Variants in DAB1 observed in about 807,000 individuals in gnomAD.
DAB1 encodes DAB adaptor protein 1, also known as disabled homolog 1.
In DAB1, 15 loss-of-function variants were observed where a neutral mutation model predicts 64.6. The observed-to-expected ratio is 0.23, with a 90% confidence interval of 0.16 to 0.36. The LOEUF (loss-of-function observed/expected upper bound fraction) is 0.36. Ranked by LOEUF, DAB1 falls within the 10% of genes least tolerant of loss-of-function variation. The probability of loss-of-function intolerance (pLI) is 1.00; values close to 1 mark genes in which losing one functional copy is unlikely to be tolerated. For synonymous variants in DAB1, 235 were observed against 251.9 expected (o/e 0.93, Z 0.64); for missense variants, 596 against 706.7 (o/e 0.84, Z 1.78).
At chr1:57,176,970 T>TACAAAAAAAAAAAAAAAAA (rs146465598) in intron 2 of DAB1, among the ~76,000 whole-genome samples, 1 of 61,038 alleles carries the variant, frequency 1.6e-5, no homozygotes, top group African/African-American at 3.9e-5. Context: ...CAGCAGCAGA[T>TACAAAAAAAAAAAAAAAAA]ATAAAAAAAA....
chr1:58,236,304 G>T (rs574956175), intron 4 of DAB1, among the ~76,000 whole-genome samples: 1 of 152,118 alleles, frequency 6.6e-6, no homozygotes, highest in East Asian at 1.9e-4. Context: ...GGACAGAGGC[G>T]CACAGTAACA....
intron 1 of DAB1, among the ~76,000 whole-genome samples, chr1:57,837,591 C>CAT (rs1309645963): frequency 6.6e-6 from 1 of 152,140 alleles, no homozygotes; most frequent in Non-Finnish European, 1.5e-5. Flanking sequence ...CCTCCCCTCC[C>CAT]ATAGCCTCTA....
intron 4 of DAB1, among the ~76,000 whole-genome samples, chr1:57,077,110 G>A (rs486706): frequency 0.93 from 142,192 of 152,240 alleles, 66,526 homozygotes; most frequent in African/African-American, 0.98. Flanking sequence ...AAGGCTTGAC[G>A]AAGGGGGTGA....
At chr1:57,490,992 A>T (rs1644155593) in intron 7 of DAB1, among the ~76,000 whole-genome samples, 1 of 152,244 alleles carries the variant, frequency 6.6e-6, no homozygotes, top group South Asian at 2.1e-4. Context: ...GTCTTGCCAC[A>T]TGCAGAGAAG....
rs565208505 is a variant in DAB1, at chr1:58,053,891, G to C, written n.387+96620C>G. ...TCCCATGGTGTCAACCATACTCGCT[G>C]TTGATCTCTGTTTGGATCTCACTTC... On this transcript the variant is annotated intron_variant and non_coding_transcript_variant, in intron 5 of 20. Transcript: ENST00000485760. 5.3e-5 allele frequency among the ~76,000 whole-genome samples: 8 copies of C among 152,310 alleles called. No individual in the cohort carries two copies. The East Asian group carries it at 1.5e-3, about 29-fold the overall frequency.
chr1:57,936,823 A>T (rs2102045255), intron 5 of DAB1, among the ~76,000 whole-genome samples: 1 of 152,220 alleles, frequency 6.6e-6, no homozygotes, highest in East Asian at 1.9e-4. Context: ...ACTTTCTGTG[A>T]GGGCCTAAAA....
At chr1:57,245,095 A>T (rs189759136) in intron 2 of DAB1, among the ~76,000 whole-genome samples, 1 of 152,296 alleles carries the variant, frequency 6.6e-6, no homozygotes, top group Admixed American at 6.5e-5. Flanking sequence ...CAAAATACTG[A>T]TAGGGATATG....
chr1:58,196,082 G>A (rs576503342), intron 4 of DAB1, among the ~76,000 whole-genome samples: 1 of 152,260 alleles, frequency 6.6e-6, no homozygotes, highest in Admixed American at 6.5e-5. Flanking sequence ...TTCTACCTAG[G>A]GTCAGGGAGT....
intron 3 of DAB1, among the ~76,000 whole-genome samples, chr1:58,402,901 C>T (rs1644584773): frequency 6.6e-6 from 1 of 152,186 alleles, no homozygotes; most frequent in African/African-American, 2.4e-5. Flanking sequence ...TGCGACCACG[C>T]ACCTTCTTGA....
chr1:57,398,254 A>G (rs1183390813), intron 1 of DAB1, among the ~76,000 whole-genome samples: 1 of 152,182 alleles, frequency 6.6e-6, no homozygotes, highest in Admixed American at 6.5e-5. Flanking sequence ...GGGAGGTGAC[A>G]ACATGTATAT....
At chr1:57,044,066 C>A (rs569813380) in intron 9 of DAB1, among the ~76,000 whole-genome samples, 1 of 152,330 alleles carries the variant, frequency 6.6e-6, no homozygotes, top group Non-Finnish European at 1.5e-5. Context: ...TCCTGGCACA[C>A]TCTTCATCTG....
At chr1:57,154,817 T>C (rs890855648) in intron 2 of DAB1, among the ~76,000 whole-genome samples, 1 of 152,268 alleles carries the variant, frequency 6.6e-6, no homozygotes, top group Non-Finnish European at 1.5e-5. Flanking sequence ...CCTTTTCATA[T>C]GCCTGTTTGC....
intron 2 of DAB1, among the ~76,000 whole-genome samples, chr1:57,283,698 A>C (rs920983399): frequency 2.6e-5 from 4 of 152,212 alleles, no homozygotes; most frequent in Non-Finnish European, 4.4e-5. Flanking sequence ...AGAAGTCTTC[A>C]TTGTAAGGAA....
At chr1:57,877,715 C>A (rs1417725862) in intron 1 of DAB1, among the ~76,000 whole-genome samples, 1 of 82,958 alleles carries the variant, frequency 1.2e-5, no homozygotes, top group Non-Finnish European at 2.4e-5. Context: ...CGCCCACCAC[C>A]GCGCCCGGCT....
chr1:58,509,422 C>G (rs1114660), intron 2 of DAB1, among the ~76,000 whole-genome samples: 1 of 149,800 alleles, frequency 6.7e-6, no homozygotes, highest in Non-Finnish European at 1.5e-5. Flanking sequence ...GAAAAAAAAA[C>G]CAAAAAGAAA....
chr1:57,348,454 A>G (rs12119147), intron 1 of DAB1, among the ~76,000 whole-genome samples: 83,490 of 152,070 alleles, frequency 0.55, 23,762 homozygotes, highest in African/African-American at 0.61. Context: ...CTGAAAAGCA[A>G]AAACTGGTAT....
chr1:58,488,537 T>G (rs1645616289), intron 3 of DAB1, among the ~76,000 whole-genome samples: 1 of 152,174 alleles, frequency 6.6e-6, no homozygotes. Flanking sequence ...CTGCAACCTC[T>G]GCCTCCCAGG....
intron 3 of DAB1, among the ~76,000 whole-genome samples, chr1:58,499,953 G>C (rs1365100744): frequency 6.6e-6 from 1 of 151,760 alleles, no homozygotes; most frequent in Non-Finnish European, 1.5e-5. Context: ...GTAAAAGTAA[G>C]TTTAAAAAAA....
At chr1:58,511,811 A>G (rs1646081693) in intron 2 of DAB1, among the ~76,000 whole-genome samples, 2 of 152,172 alleles carry the variant, frequency 1.3e-5, no homozygotes, top group African/African-American at 4.8e-5. Flanking sequence ...TAAAACTATA[A>G]AACTCCTAGA....
Sources: allele counts gnomAD v4.1 joint callset (sites outside exome capture counted in the v4.1 genomes callset), GRCh38; gene constraint gnomAD v4.1.1; transcripts MANE v1.5; gene names NCBI Gene and HGNC (gene_info 2026-07-23, HGNC 2026-07-21).